Variants in TRIML2 observed in about 807,000 individuals in gnomAD.
TRIML2 encodes probable E3 ubiquitin-protein ligase TRIML2.
TRIML2 carries 28 observed loss-of-function variants against 31.2 expected under a neutral mutation model. That is an observed-to-expected ratio of 0.90 (90% CI 0.66 to 1.23). The LOEUF is 1.23. Among genes scored for constraint, TRIML2 ranks in the 50% most tolerant of loss-of-function variants. The probability of loss-of-function intolerance (pLI) is 0.00; values close to 1 mark genes in which losing one functional copy is unlikely to be tolerated. For missense variants in TRIML2, 536 were observed against 528.3 expected, an observed-to-expected ratio of 1.01 and a Z score of -0.14; for synonymous variants, 187 against 197.5, an observed-to-expected ratio of 0.95 and a Z score of 0.45.
intron 5 of TRIML2, 81 bp downstream of exon 5, chr4:188,098,954 A>T: frequency 6.7e-7 from 1 of 1,489,266 alleles, no homozygotes; most frequent in African/African-American, 1.4e-5. Context: ...GTGTTCTGAC[A>T]GCAACCCCTA....
intron 5 of TRIML2, among the ~76,000 whole-genome samples, chr4:188,097,764 A>G (rs1733583024): frequency 6.6e-6 from 1 of 152,126 alleles, no homozygotes; most frequent in African/African-American, 2.4e-5. Flanking sequence ...TTACCTACAG[A>G]CGCTTTCCAG....
chr4:188,091,694 C>T lies in TRIML2; in HGVS notation c.993G>A (p.Thr331=), dbSNP rs752185935. ...YHGSADAKGS[T]ARASGEKVLL... ...AGACTTTCTCTCCGGAAGCTCTGGC[C>T]GTGCTGCCCTTCGCGTCTGCAGAGC... is the stretch of plus-strand genomic sequence containing the variant. The change falls in exon 8 of 8, where the codon ACG becomes ACA. Residue 331 remains threonine, a synonymous_variant. Transcript: ENST00000682553. 176 of 1,612,988 alleles carry T rather than the reference C, an allele frequency of 1.1e-4. 1 individual carries two copies. Among genetic ancestry groups the T allele is most frequent in the African/African-American group, 1.7e-4 (13 of 74,906 alleles).
chr4:188,091,575 C>G lies in TRIML2; in HGVS notation c.1112G>C (p.Gly371Ala). Reference protein sequence around the residue: ...LFLEKKLDTVGVFLDCEHGQI... With the variant: ...LFLEKKLDTVAVFLDCEHGQI... The stretch of plus-strand genomic sequence containing the variant: ...CCCGTGTTCGCAGTCAAGGAAAACG[C>G]CAACTGTGTCCAACTTCTTTTCCAG... The change falls in exon 8 of 8, where the codon GGC (glycine) becomes GCC (alanine). Residue 371 changes from glycine (G) to alanine (A), a missense_variant. Transcript: ENST00000682553. The G allele has an allele frequency of 6.2e-7, 1 of 1,614,144 alleles. No homozygotes were observed. The highest frequency in any genetic ancestry group is 8.5e-7 in the Non-Finnish European group (1 of 1,180,028).
rs757798555 is a variant in TRIML2, at chr4:188,101,208, T to G, written c.328A>C (p.Ser110Arg). The change falls in exon 4 of 8, where the codon AGT becomes CGT. Residue 110 changes from serine (S) to arginine (R), a missense_variant. Coordinates refer to ENST00000682553, the MANE Select transcript of TRIML2 (RefSeq NM_173553.4). ...TCATTCAACAACCGGAGTCTCATAC[T>G]ATACTCAGACTCAATCATCTTTTTA... ...NFKKMIESEY[S>R]MRLRLLNEEC... 9.3e-6 allele frequency: 15 copies of G among 1,613,352 alleles called. No homozygotes were observed. In the Admixed American group the frequency reaches 2.3e-4, roughly 25 times the overall value.
intron 7 of TRIML2, chr4:188,093,098 G>A: frequency 2.9e-6 from 1 of 339,532 alleles, no homozygotes; most frequent in Non-Finnish European, 5.8e-6. Context: ...CCAGCCCTCT[G>A]CAGTCTCTAC....
In TRIML2 at chr4:188,091,534, T is replaced by A; in HGVS notation, c.1153A>T (p.Asn385Tyr). 2 of 1,614,118 alleles carry A rather than the reference T, an allele frequency of 1.2e-6. No individual in the cohort carries two copies. Among genetic ancestry groups the A allele is most frequent in the Non-Finnish European group, 1.7e-6 (2 of 1,180,034 alleles). The change falls in exon 8 of 8, where the codon AAT (asparagine) becomes TAT (tyrosine). Residue 385 changes from asparagine to tyrosine, a missense_variant. Coordinates refer to ENST00000682553, the MANE Select transcript of TRIML2 (RefSeq NM_173553.4). ...TAAATGAGGGACATCTCGGTCACATTGTAGAATGATATCTGCCCGTGTTCG... is the reference window on the plus strand; with the variant it reads ...TAAATGAGGGACATCTCGGTCACATAGTAGAATGATATCTGCCCGTGTTCG... Reference protein sequence around the residue: ...DCEHGQISFYNVTEMSLIYNF... With the variant: ...DCEHGQISFYYVTEMSLIYNF...
chr4:188,099,177 T>G lies in TRIML2; in HGVS notation c.481-2A>C. On this transcript the variant is annotated splice_acceptor_variant, in intron 4 of 7. Transcript: ENST00000682553. LOFTEE classifies it high-confidence loss of function. ...CTCTCTCCCCACACGGCCCAGTCTC[T>G]GCAGAAGCATTTCTTCGTTACTATT... 1 of 1,595,146 alleles carries G rather than the reference T, an allele frequency of 6.3e-7. No individual in the cohort carries two copies. Among genetic ancestry groups the G allele is most frequent in the African/African-American group, 1.4e-5 (1 of 73,922 alleles).
chr4:188,091,969 C>T (rs766476116), intron 7 of TRIML2, 28 bp from the exon 8 acceptor site: 3 of 1,582,518 alleles, frequency 1.9e-6, no homozygotes, highest in African/African-American at 2.7e-5. Flanking sequence ...CCTCGTTAAC[C>T]TAGGAGTTCA....
chr4:188,093,319 T>G (rs1733348033), intron 7 of TRIML2, among the ~76,000 whole-genome samples: 1 of 152,226 alleles, frequency 6.6e-6, no homozygotes, highest in Admixed American at 6.5e-5. Flanking sequence ...TAAAAAATTG[T>G]CTGAGACTCT....
At chr4:188,092,634 C>T (rs1027311255) in intron 7 of TRIML2, among the ~76,000 whole-genome samples, 6 of 152,138 alleles carry the variant, frequency 3.9e-5, no homozygotes, top group Non-Finnish European at 7.3e-5. Flanking sequence ...ATTCGTGGCC[C>T]TCCCGATGCC....
chr4:188,093,245 C>G (rs1298152730), intron 7 of TRIML2, among the ~76,000 whole-genome samples: 2 of 152,170 alleles, frequency 1.3e-5, no homozygotes, highest in African/African-American at 4.8e-5. Flanking sequence ...GAACTTAAAT[C>G]TCTGAATTTG....
At chr4:188,100,440 A>G (rs1375291830) in intron 4 of TRIML2, among the ~76,000 whole-genome samples, 3 of 152,146 alleles carry the variant, frequency 2.0e-5, no homozygotes, top group African/African-American at 7.2e-5. Flanking sequence ...GGTGAATTCT[A>G]GGCCGGGCGC....
chr4:188,106,237 G>A (rs1734033740), intron 1 of TRIML2, among the ~76,000 whole-genome samples: 2 of 152,078 alleles, frequency 1.3e-5, no homozygotes, highest in African/African-American at 2.4e-5. Flanking sequence ...TTTTGTAGTA[G>A]AGACGGGGTT....
intron 7 of TRIML2, among the ~76,000 whole-genome samples, chr4:188,095,841 A>G (rs1733479924): frequency 6.6e-6 from 1 of 152,220 alleles, no homozygotes; most frequent in Non-Finnish European, 1.5e-5. Flanking sequence ...TATTTATACA[A>G]TGGAATATTA....
At chr4:188,096,995 C>T in intron 7 of TRIML2, 66 bp downstream of exon 7, 1 of 1,186,572 alleles carries the variant, frequency 8.4e-7, no homozygotes, top group Non-Finnish European at 1.3e-6. Flanking sequence ...TCATTTATGG[C>T]AGGATGGTCA....
intron 3 of TRIML2, among the ~76,000 whole-genome samples, chr4:188,102,717 C>T (rs9997732): frequency 0.14 from 21,571 of 151,544 alleles, 1,631 homozygotes; most frequent in Middle Eastern, 0.23. Flanking sequence ...GGCATGATGA[C>T]GGGCCCCTGT....
chr4:188,108,693 A>G (rs1239572815), intron 1 of TRIML2, among the ~76,000 whole-genome samples: 1 of 152,082 alleles, frequency 6.6e-6, no homozygotes. Flanking sequence ...TTCCGTGGCC[A>G]ACAGAGCTCT....
chr4:188,094,404 A>C (rs1733409523), intron 7 of TRIML2, among the ~76,000 whole-genome samples: 1 of 152,236 alleles, frequency 6.6e-6, no homozygotes, highest in African/African-American at 2.4e-5. Context: ...TCCACTGTCT[A>C]ATGAGTGAGT....
At chr4:188,106,157 C>T (rs1734027511) in intron 1 of TRIML2, 1 of 152,096 alleles carries the variant, frequency 6.6e-6, no homozygotes, top group South Asian at 2.1e-4. Flanking sequence ...TCCCGCCATT[C>T]TCCTGCCTCA....
Sources: gnomAD v4.1 joint callset for allele counts (sites outside exome capture counted in the v4.1 genomes callset) on GRCh38, gnomAD v4.1.1 for gene constraint, MANE v1.5 for transcripts, NCBI Gene and HGNC (gene_info 2026-07-23, HGNC 2026-07-21) for gene names.